Variants in AKAIN1 observed in about 807,000 individuals in gnomAD.
AKAIN1 encodes A-kinase anchor inhibitor 1, also known as A-kinase anchor protein inhibitor 1.
In AKAIN1, 3 loss-of-function variants were observed where a neutral mutation model predicts 3.7. The observed-to-expected ratio is 0.82, with a 90% CI of 0.37 to 2.12. AKAIN1 has a LOEUF of 2.12. Ranked by LOEUF, AKAIN1 falls within the 30% of genes most tolerant of loss-of-function variation. AKAIN1 has a pLI of 0.06. For synonymous variants in AKAIN1, 31 were observed against 30.8 expected (o/e 1.01, Z -0.02); for missense variants, 82 against 82.7 (o/e 0.99, Z 0.03).
intron 1 of AKAIN1, among the ~76,000 whole-genome samples, chr18:5,156,920 C>G (rs1159593060): frequency 6.6e-6 from 1 of 152,112 alleles, no homozygotes; most frequent in East Asian, 1.9e-4. Flanking sequence ...AAACTAGAAG[C>G]CTTCCTCCAG....
chr18:5,162,580 A>G lies in AKAIN1; in HGVS notation c.17-16825T>C, dbSNP rs1425746743. Among the ~76,000 whole-genome samples the G allele has an allele frequency of 2.6e-5, 4 of 151,582 alleles. No homozygotes were observed. In the South Asian group the frequency reaches 6.3e-4, roughly 24 times the overall value. On this transcript the variant is annotated intron_variant, in intron 1 of 1. Coordinates refer to ENST00000434239, the MANE Select transcript of AKAIN1 (RefSeq NM_001145194.2). ...TGCCTAGGATGAATATAAGGATAAA[A>G]ATATGTAGTAAATATTCAAACTCTA... is the stretch of plus-strand genomic sequence containing the variant.
intron 1 of AKAIN1, among the ~76,000 whole-genome samples, chr18:5,175,475 G>A (rs2071221122): frequency 6.6e-6 from 1 of 152,062 alleles, no homozygotes; most frequent in African/African-American, 2.4e-5. Flanking sequence ...CCCTATATTG[G>A]CCAACAACTT....
chr18:5,147,669 A>G (rs2071056733), intron 1 of AKAIN1, among the ~76,000 whole-genome samples: 1 of 152,222 alleles, frequency 6.6e-6, no homozygotes, highest in Admixed American at 6.5e-5. Flanking sequence ...TTATCCATTA[A>G]GACTTATGAT....
Position 5,143,395 on chromosome 18 carries a change from T to C in AKAIN1, c.*2167A>G, listed in dbSNP as rs535342682. Among the ~76,000 whole-genome samples, 7 of 152,306 alleles carry C rather than the reference T, an allele frequency of 4.6e-5. No homozygotes were observed. The South Asian group carries it at 1.5e-3, about 32-fold the overall frequency. The stretch of plus-strand genomic sequence containing the variant: ...TGTTCCTTGCTGTCGATTTTCCATC[T>C]CAAAAATTATGGCAGACACTCTACC... On this transcript the variant is annotated 3_prime_UTR_variant, in exon 2 of 2. Transcript: ENST00000434239.
At chr18:5,146,004 C>A (rs1444452380) in intron 1 of AKAIN1, among the ~76,000 whole-genome samples, 3 of 152,168 alleles carry the variant, frequency 2.0e-5, no homozygotes, top group Non-Finnish European at 4.4e-5. Flanking sequence ...CACATCCTCC[C>A]AAACACTTAA....
At chr18:5,152,795 C>T (rs183127965) in intron 1 of AKAIN1, among the ~76,000 whole-genome samples, 308 of 152,190 alleles carry the variant, frequency 2.0e-3, no homozygotes, top group Admixed American at 4.2e-3. Flanking sequence ...AAAGCAGGGC[C>T]AGAGAGGAAC....
chr18:5,197,459 G>A (rs2143052879), upstream of AKAIN1: 3 of 1,227,766 alleles, frequency 2.4e-6, no homozygotes, highest in South Asian at 7.9e-5. The surrounding 1 kb of genome is among the most constrained non-coding windows in gnomAD (Gnocchi z 6.9). Context: ...TACCTGCTGT[G>A]GCTCGTCGCC....
intron 1 of AKAIN1, among the ~76,000 whole-genome samples, chr18:5,157,388 A>C (rs552953910): frequency 1.3e-5 from 2 of 152,324 alleles, no homozygotes; most frequent in African/African-American, 4.8e-5. Context: ...CCACTGTCTC[A>C]AACAGCAGCT....
upstream of AKAIN1, chr18:5,197,335 G>T (rs961822107): frequency 3.1e-6 from 4 of 1,297,844 alleles, no homozygotes; most frequent in Non-Finnish European, 3.9e-6. The surrounding 1 kb of genome is among the most constrained non-coding windows in gnomAD (Gnocchi z 6.9). Flanking sequence ...GCTCGGCGAC[G>T]TACACTGCTG....
chr18:5,184,407 T>C (rs1400892242), intron 1 of AKAIN1, among the ~76,000 whole-genome samples: 1 of 152,108 alleles, frequency 6.6e-6, no homozygotes, highest in Non-Finnish European at 1.5e-5. Flanking sequence ...AAACTCTGTC[T>C]GTTTGCAGAC....
chr18:5,159,174 CTTTT>C (rs36002870), intron 1 of AKAIN1, among the ~76,000 whole-genome samples: 1 of 146,420 alleles, frequency 6.8e-6, no homozygotes, highest in African/African-American at 2.5e-5. Flanking sequence ...TGTTTTACGT[CTTTT>C]TTTTTTTCCA....
At chr18:5,194,637 A>C (rs1002460547) in intron 1 of AKAIN1, among the ~76,000 whole-genome samples, 3 of 152,168 alleles carry the variant, frequency 2.0e-5, no homozygotes, top group Non-Finnish European at 4.4e-5. Context: ...TCAGAACTGT[A>C]CCTCAGGGTT....
chr18:5,184,451 G>A (rs944549661), intron 1 of AKAIN1, among the ~76,000 whole-genome samples: 2 of 151,914 alleles, frequency 1.3e-5, no homozygotes, highest in African/African-American at 4.8e-5. Flanking sequence ...TTCTGTAGTC[G>A]CTGCCCAAAT....
upstream of AKAIN1, chr18:5,197,533 T>TA: frequency 6.0e-6 from 6 of 1,001,592 alleles, no homozygotes; most frequent in Non-Finnish European, 6.2e-6. The surrounding 1 kb of genome is among the most constrained non-coding windows in gnomAD (Gnocchi z 6.9). Flanking sequence ...GAGCTTTCTT[T>TA]ACTCTCGAGG....
intron 1 of AKAIN1, among the ~76,000 whole-genome samples, chr18:5,178,849 C>A (rs1171589645): frequency 6.6e-6 from 1 of 152,048 alleles, no homozygotes; most frequent in African/African-American, 2.4e-5. Flanking sequence ...AATCCCTGAG[C>A]CAAAGCACAG....
chr18:5,189,756 C>CT (rs112388700), intron 1 of AKAIN1, among the ~76,000 whole-genome samples: 45,020 of 148,612 alleles, frequency 0.3, 6,830 homozygotes, highest in African/African-American at 0.33. Flanking sequence ...CTACAGCTCT[C>CT]TTTTTTTTTT....
rs915874925 is a variant in AKAIN1, at chr18:5,144,939, T to C, written c.*623A>G. On this transcript the variant is annotated 3_prime_UTR_variant, in exon 2 of 2. Transcript: ENST00000434239. ...ACCAATTATGAAATCATTCAGAGAATTGAGACTAAAAGACTGAGTTCTTGA... is the reference window on the plus strand; with the variant it reads ...ACCAATTATGAAATCATTCAGAGAACTGAGACTAAAAGACTGAGTTCTTGA... Among the ~76,000 whole-genome samples the C allele has an allele frequency of 2.0e-5, 3 of 152,214 alleles. No individual in the cohort carries two copies. The highest frequency in any genetic ancestry group is 4.8e-5 in the African/African-American group (2 of 41,464).
chr18:5,183,673 A>G (rs2071271599), intron 1 of AKAIN1, among the ~76,000 whole-genome samples: 1 of 152,098 alleles, frequency 6.6e-6, no homozygotes, highest in Non-Finnish European at 1.5e-5. Context: ...TGTTATTCAC[A>G]GTTGTTATTT....
At chr18:5,176,230 G>C (rs1265580233) in intron 1 of AKAIN1, among the ~76,000 whole-genome samples, 2 of 152,096 alleles carry the variant, frequency 1.3e-5, no homozygotes, top group Admixed American at 1.3e-4. Flanking sequence ...TTTGAGGTCA[G>C]GAGTTCAAGA....
Sources: gnomAD v4.1 joint callset for allele counts (sites outside exome capture counted in the v4.1 genomes callset) on GRCh38, gnomAD v4.1.1 for gene constraint, Gnocchi (gnomAD v3.1) non-coding constraint, MANE v1.5 for transcripts, NCBI Gene and HGNC (gene_info 2026-07-23, HGNC 2026-07-21) for gene names.